The following KIF5C variants were observed in gnomAD, a reference collection of about 807,000 sequenced individuals.
KIF5C encodes the protein kinesin family member 5C, also known as kinesin heavy chain isoform 5C.
In KIF5C, 18 loss-of-function variants were observed where a neutral mutation model predicts 125.2. The observed-to-expected ratio is 0.14, with a 90% confidence interval of 0.10 to 0.21. The LOEUF is 0.21. KIF5C is among the 10% of genes least tolerant of loss of function. The pLI, the probability that KIF5C is intolerant of heterozygous loss-of-function variation, is 1.00. For synonymous variants in KIF5C, 405 were observed against 434.0 expected, an observed-to-expected ratio of 0.93 and a Z score of 0.83; for missense variants, 780 against 1,183.8, an observed-to-expected ratio of 0.66 and a Z score of 5.01.
At chr2:148,920,607 A>C (rs1681747036) in intron 1 of KIF5C, among the ~76,000 whole-genome samples, 1 of 152,226 alleles carries the variant, frequency 6.6e-6, no homozygotes, top group Non-Finnish European at 1.5e-5. Flanking sequence ...TCTAAGACCA[A>C]ATGGAAGTAG....
intron 1 of KIF5C, among the ~76,000 whole-genome samples, chr2:148,880,744 A>T (rs999565625): frequency 1.3e-5 from 2 of 152,148 alleles, no homozygotes; most frequent in Admixed American, 1.3e-4. Context: ...AGAGATGTTT[A>T]TATCACCTGA....
At chr2:148,978,865 T>C in intron 12 of KIF5C, 57 bp from the exon 13 acceptor site, 1 of 1,537,002 alleles carries the variant, frequency 6.5e-7, no homozygotes, top group Non-Finnish European at 8.8e-7. Flanking sequence ...ACTGGGAGAC[T>C]GGGATATCAA....
intron 10 of KIF5C, 134 bp from the exon 11 acceptor site, chr2:148,961,837 G>C (rs1031598171): frequency 4.7e-6 from 6 of 1,289,550 alleles, no homozygotes; most frequent in Non-Finnish European, 5.3e-6. Context: ...TAGGAGGATG[G>C]TTGGTGAAAG....
intron 25 of KIF5C, among the ~76,000 whole-genome samples, chr2:149,022,250 G>A (rs1377599211): frequency 6.6e-6 from 1 of 152,180 alleles, no homozygotes; most frequent in Non-Finnish European, 1.5e-5. Context: ...AATGCATTAT[G>A]TTACTCTGAA....
chr2:148,941,354 G>A (rs1682402483), intron 4 of KIF5C, among the ~76,000 whole-genome samples: 1 of 152,194 alleles, frequency 6.6e-6, no homozygotes, highest in Non-Finnish European at 1.5e-5. Context: ...AGCACATGAT[G>A]TTAAGAACAC....
chr2:148,955,464 A>G (rs1682770308), intron 10 of KIF5C, among the ~76,000 whole-genome samples: 1 of 152,206 alleles, frequency 6.6e-6, no homozygotes, highest in Non-Finnish European at 1.5e-5. Flanking sequence ...ATTGTGCTTC[A>G]GGATGGTAAC....
At chr2:149,008,198 A>C (rs1393207527) in intron 23 of KIF5C, 131 bp downstream of exon 23, 1 of 1,201,308 alleles carries the variant, frequency 8.3e-7, no homozygotes, top group African/African-American at 1.5e-5. Flanking sequence ...ATCAGAGGAC[A>C]TGAGGGCTGG....
chr2:148,991,182 A>C lies in KIF5C; in HGVS notation c.1889A>C (p.Gln630Pro). The C allele has an allele frequency of 6.2e-7, 1 of 1,613,778 alleles. No individual in the cohort carries two copies. The highest frequency in any genetic ancestry group is 8.5e-7 in the Non-Finnish European group (1 of 1,179,796). ...AGCGAGCGGGAGCTGGCAGCCTGCC[A>C]GCTGCTCATCTCCCAGGTGGGCCCT... ...NASERELAACQLLISQHEAKI... is the reference protein window; with the variant it reads ...NASERELAACPLLISQHEAKI... Residue 630 changes from glutamine to proline, a missense_variant, in exon 16 of 26, where the codon CAG becomes CCG. Coordinates refer to ENST00000435030, the MANE Select transcript of KIF5C (RefSeq NM_004522.3).
intron 1 of KIF5C, among the ~76,000 whole-genome samples, chr2:148,911,897 G>A (rs576514390): frequency 6.6e-6 from 1 of 152,272 alleles, no homozygotes; most frequent in Admixed American, 6.5e-5. Context: ...TGAAGGAAAT[G>A]ACATTTGCCT....
intron 15 of KIF5C, 56 bp from the exon 16 acceptor site, chr2:148,990,954 C>T (rs1681507899): frequency 6.4e-7 from 1 of 1,552,794 alleles, no homozygotes; most frequent in Non-Finnish European, 8.7e-7. Context: ...TCCAGGGAGT[C>T]CGTGAACCTA....
At chr2:149,003,123 A>G (rs191715138) in intron 21 of KIF5C, among the ~76,000 whole-genome samples, 7 of 152,286 alleles carry the variant, frequency 4.6e-5, no homozygotes, top group Non-Finnish European at 8.8e-5. Flanking sequence ...TAAAAATCCA[A>G]GAGTGGAGCC....
In KIF5C at chr2:148,997,387, A is replaced by G. The variant is rs549672945; in HGVS notation, c.2100+47A>G. ...ATCAAGCCCAGTGTGCATTTGATGC[A>G]TTTGGATTGGAAATGCTTGTTCTAG... On this transcript the variant is annotated intron_variant, in intron 18 of 25. Transcript: ENST00000435030. 8.2e-5 allele frequency: 132 copies of G among 1,613,010 alleles called. 2 individuals are homozygous for G. In the East Asian group the frequency reaches 2.9e-3, roughly 35 times the overall value.
intron 12 of KIF5C, among the ~76,000 whole-genome samples, chr2:148,976,232 G>A (rs1681063642): frequency 1.4e-5 from 2 of 143,924 alleles, no homozygotes; most frequent in Non-Finnish European, 3.1e-5. Context: ...ATAAGGGTGT[G>A]CATATTATTT....
intron 1 of KIF5C, chr2:148,883,596 T>G (rs897392576): frequency 2.0e-5 from 3 of 152,186 alleles, no homozygotes; most frequent in Non-Finnish European, 4.4e-5. Context: ...TACAACACAC[T>G]TTGTTTTAAA....
rs1205598708 is a variant in KIF5C, at chr2:148,994,517, C to T, written c.2002C>T (p.Leu668=). The change falls in exon 17 of 26, where the codon CTG becomes TTG. Residue 668 remains leucine, a synonymous_variant. Coordinates refer to ENST00000435030, the MANE Select transcript of KIF5C (RefSeq NM_004522.3). ...EESQDSLSEE[L]AKLRAQEKMH... ...GTCCCAGGACTCGCTCAGCGAAGAG[C>T]TGGCAAAGCTCCGAGCCCAGGGTAA... The T allele has an allele frequency of 1.6e-5, 25 of 1,565,898 alleles. No homozygotes were observed. The highest frequency in any genetic ancestry group is 2.0e-5 in the Non-Finnish European group (23 of 1,155,372).
At chr2:148,947,660 G>A (rs544434148) in intron 8 of KIF5C, among the ~76,000 whole-genome samples, 1 of 152,332 alleles carries the variant, frequency 6.6e-6, no homozygotes, top group South Asian at 2.1e-4. Context: ...CCAGGCCCTG[G>A]CTGGGGCTGT....
intron 10 of KIF5C, among the ~76,000 whole-genome samples, chr2:148,955,070 C>A (rs995174934): frequency 6.6e-6 from 1 of 152,114 alleles, no homozygotes; most frequent in Non-Finnish European, 1.5e-5. Flanking sequence ...TTTAAAGACA[C>A]AAAATTTTCA....
intron 25 of KIF5C, among the ~76,000 whole-genome samples, chr2:149,013,626 A>G (rs1482557485): frequency 6.6e-6 from 1 of 152,202 alleles, no homozygotes. Context: ...TAATATAGGC[A>G]TCACCTCATT....
intron 1 of KIF5C, chr2:148,877,319 TG>T (rs1681221531): frequency 6.6e-6 from 1 of 152,266 alleles, no homozygotes; most frequent in Non-Finnish European, 1.5e-5. Context: ...GCTGTGTGGA[TG>T]GGCGATCATT....
Sources: allele counts gnomAD v4.1 joint callset (sites outside exome capture counted in the v4.1 genomes callset), GRCh38; gene constraint gnomAD v4.1.1; transcripts MANE v1.5; gene names NCBI Gene and HGNC (gene_info 2026-07-23, HGNC 2026-07-21).